RPSA2: variants seen among roughly 807,000 people sequenced by gnomAD.
The protein encoded by RPSA2 is small ribosomal subunit protein uS2B.
chr19:23,833,711 AATAAAAGC>A, the RPSA2 span, among the ~76,000 whole-genome samples: 1 of 152,142 alleles, frequency 6.6e-6, no homozygotes, highest in Non-Finnish European at 1.5e-5. Flanking sequence ...GTTCATATGA[AATAAAAGC>A]ATAAAAGTGT....
At chr19:23,855,794 C>A in the RPSA2 span, among the ~76,000 whole-genome samples, 11 of 152,134 alleles carry the variant, frequency 7.2e-5, no homozygotes, top group Admixed American at 2.6e-4. Flanking sequence ...ACCAAAATGA[C>A]AGGAGGGTGA....
the RPSA2 span, among the ~76,000 whole-genome samples, chr19:23,835,650 CT>C: frequency 6.6e-6 from 1 of 150,486 alleles, no homozygotes; most frequent in Non-Finnish European, 1.5e-5. Flanking sequence ...TTGTTTTTTT[CT>C]TTTGAGATAG....
the RPSA2 span, among the ~76,000 whole-genome samples, chr19:23,810,613 C>T: frequency 2.0e-5 from 3 of 151,978 alleles, no homozygotes; most frequent in Non-Finnish European, 2.9e-5. Context: ...TTTCCCAGGT[C>T]ACTTTGGGTT....
At chr19:23,761,926 T>TCCTTCCTTCCTTCCTTCCTTCC in the RPSA2 span, among the ~76,000 whole-genome samples, 39 of 124,830 alleles carry the variant, frequency 3.1e-4, 3 homozygotes, top group East Asian at 1.3e-3. Flanking sequence ...CTTTCTTTTT[T>TCCTTCCTTCCTTCCTTCCTTCC]TTTTTTTTTG....
At chr19:23,772,237 C>T in the RPSA2 span, among the ~76,000 whole-genome samples, 1 of 152,138 alleles carries the variant, frequency 6.6e-6, no homozygotes, top group Non-Finnish European at 1.5e-5. Context: ...CTGTCTTGCC[C>T]CCAGGGAGCA....
At chr19:23,787,158 A>G in the RPSA2 span, among the ~76,000 whole-genome samples, 148,881 of 152,208 alleles carry the variant, frequency 0.98, 72,906 homozygotes, top group Middle Eastern at 1. Flanking sequence ...TTGCCTTCAG[A>G]TGACATTGTG....
the RPSA2 span, among the ~76,000 whole-genome samples, chr19:23,765,892 T>C: frequency 2.6e-5 from 4 of 152,324 alleles, no homozygotes; most frequent in Admixed American, 2.6e-4. Flanking sequence ...GGGTTCAACA[T>C]ACCTGCCGTG....
chr19:23,762,281 A>C, the RPSA2 span, among the ~76,000 whole-genome samples: 1 of 151,912 alleles, frequency 6.6e-6, no homozygotes, highest in Non-Finnish European at 1.5e-5. Context: ...CTTATTTCTA[A>C]TGGCCATCCC....
the RPSA2 span, among the ~76,000 whole-genome samples, chr19:23,838,137 G>C: frequency 1.2e-4 from 18 of 152,244 alleles, no homozygotes; most frequent in Admixed American, 1.2e-3. Flanking sequence ...ACTTTGCTGA[G>C]AGTTTTAATT....
chr19:23,816,210 C>G, the RPSA2 span, among the ~76,000 whole-genome samples: 1 of 152,094 alleles, frequency 6.6e-6, no homozygotes. Flanking sequence ...TCATGGCTCA[C>G]TGCAGCCTCA....
the RPSA2 span, chr19:23,832,724 G>T: frequency 1.3e-6 from 2 of 1,534,576 alleles, no homozygotes; most frequent in South Asian, 2.2e-5. Context: ...CCCTACAAAT[G>T]TGAAGAATAT....
the RPSA2 span, among the ~76,000 whole-genome samples, chr19:23,800,027 CTTTTTTTTT>C: frequency 6.3e-5 from 7 of 110,954 alleles, no homozygotes; most frequent in African/African-American, 2.4e-4. Context: ...TTTTCTTTTT[CTTTTTTTTT>C]TTTTTTTTTT....
the RPSA2 span, among the ~76,000 whole-genome samples, chr19:23,857,385 C>G: frequency 3.3e-5 from 5 of 152,028 alleles, no homozygotes; most frequent in African/African-American, 7.2e-5. Flanking sequence ...ATTTATGTTC[C>G]TCTACCGTGG....
At chr19:23,849,314 C>A in the RPSA2 span, among the ~76,000 whole-genome samples, 10 of 79,842 alleles carry the variant, frequency 1.3e-4, no homozygotes, top group Admixed American at 1.4e-3. Context: ...ATCTGAGGTG[C>A]CCAGGGATGC....
At chr19:23,868,903 C>A in the RPSA2 span, among the ~76,000 whole-genome samples, 66 of 152,116 alleles carry the variant, frequency 4.3e-4, no homozygotes, top group Non-Finnish European at 5.6e-4. Context: ...GACAGAAGGC[C>A]AACTGGAGTC....
the RPSA2 span, among the ~76,000 whole-genome samples, chr19:23,797,502 T>C: frequency 5.0e-5 from 7 of 140,830 alleles, no homozygotes; most frequent in Non-Finnish European, 1.1e-4. Context: ...GTGCCGGTTG[T>C]TTAATTTTTA....
At chr19:23,783,048 TCTC>T in the RPSA2 span, among the ~76,000 whole-genome samples, 6 of 151,350 alleles carry the variant, frequency 4.0e-5, no homozygotes, top group Non-Finnish European at 8.8e-5. Flanking sequence ...ATGGTGTTAC[TCTC>T]CTCTCCTGCC....
At chr19:23,832,354 G>T in the RPSA2 span, 1 of 478,558 alleles carries the variant, frequency 2.1e-6, no homozygotes, top group South Asian at 1.6e-5. Context: ...AGGCCTTACT[G>T]AACATAGGAG....
the RPSA2 span, among the ~76,000 whole-genome samples, chr19:23,867,329 A>G: frequency 1.3e-5 from 2 of 152,242 alleles, no homozygotes; most frequent in African/African-American, 4.8e-5. Context: ...ATGGACAATC[A>G]TGTACTTTCC....
Sources: allele counts gnomAD v4.1 joint callset (sites outside exome capture counted in the v4.1 genomes callset), GRCh38; gene constraint gnomAD v4.1.1; transcripts MANE v1.5; gene names NCBI Gene and HGNC (gene_info 2026-07-23, HGNC 2026-07-21).